Variants in DTNB observed in about 807,000 individuals in gnomAD.
DTNB encodes dystrobrevin beta.
DTNB carries 63 observed loss-of-function variants against 90.7 expected under a neutral mutation model. The ratio of observed to expected loss-of-function variants is 0.69; its 90% CI spans 0.57 to 0.86. The LOEUF (loss-of-function observed/expected upper bound fraction) is 0.86. DTNB is among the 40% of genes least tolerant of loss of function. The pLI, the probability that DTNB is intolerant of heterozygous loss-of-function variation, is 0.00. For synonymous variants in DTNB, 277 were observed against 286.7 expected, an observed-to-expected ratio of 0.97 and a Z score of 0.34; for missense variants, 744 against 807.1, an observed-to-expected ratio of 0.92 and a Z score of 0.95.
intron 6 of DTNB, chr2:25,595,094 G>A (rs2064312869): frequency 6.6e-6 from 1 of 152,104 alleles, no homozygotes; most frequent in South Asian, 2.1e-4. Context: ...TTCCTTCATT[G>A]GAGTTTGTCT....
intron 1 of DTNB, among the ~76,000 whole-genome samples, chr2:25,662,701 C>A (rs947658574): frequency 1.3e-5 from 2 of 150,986 alleles, no homozygotes; most frequent in African/African-American, 4.9e-5. Flanking sequence ...CACACACACA[C>A]ACACACAGCA....
At position 25,625,369 on chromosome 2, in the gene DTNB, C is replaced by T. The variant is rs982455198; in HGVS notation, c.362+2802G>A. Among the ~76,000 whole-genome samples, 71 of 152,068 alleles carry T rather than the reference C, an allele frequency of 4.7e-4. 3 individuals are homozygous for T. The highest frequency in any genetic ancestry group is 7.4e-5 in the Non-Finnish European group (5 of 68,006). On this transcript the variant is annotated intron_variant, in intron 4 of 20. Coordinates refer to ENST00000406818, the MANE Select transcript of DTNB (RefSeq NM_021907.5). ...AACCAGATTCTTTCTTTTTTTCCAA[C>T]ACAAGAAGGTCAATTTTAAGCTTCC... is the stretch of plus-strand genomic sequence containing the variant.
chr2:25,634,040 G>T (rs1223343728), intron 3 of DTNB, among the ~76,000 whole-genome samples: 2 of 151,958 alleles, frequency 1.3e-5, no homozygotes, highest in African/African-American at 2.4e-5. Flanking sequence ...GGGAAGTTAG[G>T]AGCGTCTACG....
intron 1 of DTNB, among the ~76,000 whole-genome samples, chr2:25,659,471 T>C (rs2082716460): frequency 6.6e-6 from 1 of 151,986 alleles, no homozygotes; most frequent in Non-Finnish European, 1.5e-5. Flanking sequence ...GCTAGTTCTT[T>C]GAAAAGATCA....
At chr2:25,640,441 T>C (rs2078011810) in intron 2 of DTNB, among the ~76,000 whole-genome samples, 1 of 152,120 alleles carries the variant, frequency 6.6e-6, no homozygotes, top group African/African-American at 2.4e-5. Flanking sequence ...GGTTTTTGTA[T>C]ACTGAACAAA....
At chr2:25,540,142 C>A (rs557763012) in intron 8 of DTNB, among the ~76,000 whole-genome samples, 2 of 152,152 alleles carry the variant, frequency 1.3e-5, no homozygotes, top group Non-Finnish European at 2.9e-5. Flanking sequence ...TTTGCACTTT[C>A]CACTTAAGTT....
chr2:25,510,397 T>C (rs535472322), intron 9 of DTNB, among the ~76,000 whole-genome samples: 1 of 152,346 alleles, frequency 6.6e-6, no homozygotes, highest in East Asian at 1.9e-4. Context: ...TTTAATGTAT[T>C]GTTCCTGTTA....
At chr2:25,620,204 G>A (rs1410759488) in intron 4 of DTNB, among the ~76,000 whole-genome samples, 4 of 152,302 alleles carry the variant, frequency 2.6e-5, no homozygotes, top group South Asian at 2.1e-4. Flanking sequence ...TGGAAAAGAA[G>A]AGCGTCTCCA....
intron 16 of DTNB, among the ~76,000 whole-genome samples, chr2:25,399,174 G>A (rs527246535): frequency 6.6e-6 from 1 of 152,084 alleles, no homozygotes; most frequent in African/African-American, 2.4e-5. Flanking sequence ...TCAGCCTCCT[G>A]AGTAGCTGGG....
intron 8 of DTNB, among the ~76,000 whole-genome samples, chr2:25,563,138 T>C (rs2058506590): frequency 6.6e-6 from 1 of 152,218 alleles, no homozygotes. Flanking sequence ...TTTAAGTGTA[T>C]AGTACAGTAG....
chr2:25,506,073 G>C (rs1575187383), intron 9 of DTNB, among the ~76,000 whole-genome samples: 1 of 152,218 alleles, frequency 6.6e-6, no homozygotes, highest in South Asian at 2.1e-4. Context: ...TCATAGGTGG[G>C]AGCTAAAAAT....
intron 9 of DTNB, among the ~76,000 whole-genome samples, chr2:25,489,177 T>A (rs1188229662): frequency 6.6e-6 from 1 of 152,194 alleles, no homozygotes; most frequent in African/African-American, 2.4e-5. Flanking sequence ...AAATACAGAC[T>A]AACTAGAAAT....
At chr2:25,492,214 C>A (rs1413421711) in intron 9 of DTNB, among the ~76,000 whole-genome samples, 1 of 152,148 alleles carries the variant, frequency 6.6e-6, no homozygotes, top group Non-Finnish European at 1.5e-5. Flanking sequence ...ATTATTAGAA[C>A]TCTGTGTCCT....
At chr2:25,486,947 T>C (rs2066320011) in intron 9 of DTNB, among the ~76,000 whole-genome samples, 1 of 152,182 alleles carries the variant, frequency 6.6e-6, no homozygotes, top group African/African-American at 2.4e-5. Context: ...ATCTATCGCT[T>C]GGTCCAGAAA....
At chr2:25,394,631 A>G (rs1439486981) in intron 16 of DTNB, among the ~76,000 whole-genome samples, 1 of 152,254 alleles carries the variant, frequency 6.6e-6, no homozygotes, top group African/African-American at 2.4e-5. Context: ...AGTATATGGA[A>G]AAATGCTCAA....
At position 25,596,075 on chromosome 2, in the gene DTNB, A is replaced by G; in HGVS notation, c.603+11T>C. 6.3e-7 allele frequency: 1 copy of G among 1,589,226 alleles called. No homozygotes were observed. Among genetic ancestry groups the G allele is most frequent in the East Asian group, 2.3e-5 (1 of 43,942 alleles). Reference sequence around the variant, plus strand: ...CTCTTCTAGCCCTAGATTCTATAAAACTGTCCTTACCTGCTGTGGAAAACA... The same window carrying G: ...CTCTTCTAGCCCTAGATTCTATAAAGCTGTCCTTACCTGCTGTGGAAAACA... On this transcript the variant is annotated intron_variant, in intron 6 of 20. Coordinates refer to ENST00000406818, the MANE Select transcript of DTNB (RefSeq NM_021907.5).
intron 3 of DTNB, among the ~76,000 whole-genome samples, chr2:25,631,570 G>T (rs2075757981): frequency 6.8e-6 from 1 of 146,742 alleles, no homozygotes; most frequent in South Asian, 2.1e-4. Flanking sequence ...GAGACCCTGT[G>T]GTCAAAAAAA....
intron 10 of DTNB, among the ~76,000 whole-genome samples, chr2:25,481,429 GAAGAC>G (rs1410891658): frequency 7.3e-6 from 1 of 137,072 alleles, no homozygotes; most frequent in Non-Finnish European, 1.6e-5. Flanking sequence ...AAAAAAAAAT[GAAGAC>G]AAGAACATTT....
chr2:25,636,831 C>T (rs1481273007), intron 3 of DTNB, among the ~76,000 whole-genome samples: 1 of 151,364 alleles, frequency 6.6e-6, no homozygotes, highest in Non-Finnish European at 1.5e-5. Context: ...TGGGTAACAA[C>T]TCACAATGTA....
Sources: gnomAD v4.1 joint callset for allele counts (sites outside exome capture counted in the v4.1 genomes callset) on GRCh38, gnomAD v4.1.1 for gene constraint, MANE v1.5 for transcripts, NCBI Gene and HGNC (gene_info 2026-07-23, HGNC 2026-07-21) for gene names.